The following DNAH11 variants were observed in gnomAD, a reference collection of about 807,000 sequenced individuals.
DNAH11 encodes the protein axonemal beta dynein heavy chain 11.
In DNAH11, 442 loss-of-function variants were observed where a neutral mutation model predicts 526.0. The observed-to-expected ratio is 0.84, with a 90% CI of 0.78 to 0.91. The LOEUF is 0.91. Among genes scored for constraint, DNAH11 ranks in the 40% least tolerant of loss-of-function variants. DNAH11 has a pLI of 0.00. For missense variants in DNAH11, 6,989 were observed against 5,448.7 expected, an observed-to-expected ratio of 1.28 and a Z score of -8.90; for synonymous variants, 2,461 against 1,935.9, an observed-to-expected ratio of 1.27 and a Z score of -7.12.
At position 21,601,050 on chromosome 7, in the gene DNAH11, T is replaced by C. The variant is rs1164194278; in HGVS notation, c.3296T>C (p.Phe1099Ser). The change falls in exon 17 of 82, where the codon TTT becomes TCT. Residue 1099 changes from phenylalanine (F) to serine (S), a missense_variant. Phe to Ser is a radical substitution (Grantham distance 155). Coordinates refer to ENST00000409508, the MANE Select transcript of DNAH11 (RefSeq NM_001277115.2). Reference protein sequence around the residue: ...YEALYVQMSKFEDFRVFDSWF... With the variant: ...YEALYVQMSKSEDFRVFDSWF... ...GCTTTGTATGTTCAAATGAGCAAAT[T>C]TGAGGACTTTAGAGTGTTTGATAGT... 2 of 1,612,108 alleles carry C rather than the reference T, an allele frequency of 1.2e-6. No individual in the cohort carries two copies. Among genetic ancestry groups the C allele is most frequent in the Admixed American group, 1.7e-5 (1 of 59,556 alleles).
chr7:21,581,807 G>A (rs551692054), intron 8 of DNAH11, 98 bp from the exon 9 acceptor site: 36 of 722,770 alleles, frequency 5.0e-5, no homozygotes, highest in East Asian at 2.8e-4. Context: ...GACAGAGAGC[G>A]AGCGAGAGAG....
Position 21,636,016 on chromosome 7 carries a change from T to A in DNAH11, c.4646T>A (p.Ile1549Asn). 6.2e-7 allele frequency: 1 copy of A among 1,613,760 alleles called. No individual in the cohort carries two copies. The highest frequency in any genetic ancestry group is 2.2e-5 in the East Asian group (1 of 44,868). The change falls in exon 26 of 82, where the codon ATT becomes AAT. Residue 1549 changes from isoleucine to asparagine, a missense_variant. Ile to Asn is a moderately radical substitution (Grantham distance 149, BLOSUM62 -3). Transcript: ENST00000409508. ...VQRTWSHLES[I>N]FVCSEDIRIQ... ...CGAACTTGGTCTCACCTGGAAAGCA[T>A]TTTTGTCTGTTCAGAAGATATTCGA...
At chr7:21,563,282 CA>C (rs995887688) in intron 5 of DNAH11, among the ~76,000 whole-genome samples, 1 of 151,536 alleles carries the variant, frequency 6.6e-6, no homozygotes, top group Non-Finnish European at 1.5e-5. Context: ...GATCATGGCT[CA>C]CTGCAGCCTC....
intron 30 of DNAH11, among the ~76,000 whole-genome samples, 160 bp from the exon 31 acceptor site, chr7:21,681,386 C>T (rs1393206163): frequency 1.3e-5 from 2 of 151,792 alleles, no homozygotes; most frequent in Non-Finnish European, 1.5e-5. Context: ...GAGATCATGC[C>T]ACTGCACTCC....
In DNAH11 at chr7:21,698,219, G is replaced by A. The variant is rs770361540; in HGVS notation, c.6180+6G>A. 1.4e-5 allele frequency: 23 copies of A among 1,612,540 alleles called. No individual in the cohort carries two copies. The African/African-American group carries it at 2.7e-4, about 19-fold the overall frequency. ...AGGAGCTTCTCTCCAAGCAGGTGAG[G>A]GATCATTTGTTACGTTTTCTTGTTT... is the stretch of plus-strand genomic sequence containing the variant. On this transcript the variant is annotated splice_donor_region_variant and intron_variant, in intron 36 of 81. Coordinates refer to ENST00000409508, the MANE Select transcript of DNAH11 (RefSeq NM_001277115.2).
chr7:21,655,131 T>C (rs1781961017), intron 28 of DNAH11, among the ~76,000 whole-genome samples: 1 of 150,562 alleles, frequency 6.6e-6, no homozygotes. Context: ...ACTGGTTTTG[T>C]ATTGGAGAAC....
chr7:21,782,218 C>G (rs563913573), intron 57 of DNAH11, among the ~76,000 whole-genome samples: 171 of 152,320 alleles, frequency 1.1e-3, no homozygotes, highest in African/African-American at 3.9e-3. Flanking sequence ...CAGAGAATTT[C>G]TGGTCTACCC....
At chr7:21,598,851 C>T (rs1177571362) in intron 14 of DNAH11, among the ~76,000 whole-genome samples, 2 of 152,114 alleles carry the variant, frequency 1.3e-5, no homozygotes, top group African/African-American at 4.8e-5. Context: ...TGGTTTTCTG[C>T]TCCTGCATTA....
chr7:21,841,015 C>G (rs1420965194), intron 65 of DNAH11, among the ~76,000 whole-genome samples: 1 of 152,090 alleles, frequency 6.6e-6, no homozygotes, highest in South Asian at 2.1e-4. Flanking sequence ...AACCCCATCT[C>G]TACTAAAAAT....
At chr7:21,891,288 C>G (rs752569666) in intron 76 of DNAH11, among the ~76,000 whole-genome samples, 4 of 152,166 alleles carry the variant, frequency 2.6e-5, no homozygotes, top group Non-Finnish European at 4.4e-5. Context: ...ATTTCAGAAA[C>G]TGACTCAGAA....
chr7:21,686,078 T>C (rs1453252435), intron 32 of DNAH11, among the ~76,000 whole-genome samples: 1 of 152,260 alleles, frequency 6.6e-6, no homozygotes, highest in Non-Finnish European at 1.5e-5. Flanking sequence ...TCATTCATTG[T>C]AAGATACACT....
chr7:21,568,671 C>T (rs1783766351), intron 6 of DNAH11, among the ~76,000 whole-genome samples: 4 of 152,104 alleles, frequency 2.6e-5, no homozygotes, highest in Admixed American at 2.0e-4. Flanking sequence ...AGGGGCCAGC[C>T]AGGAAGCACA....
chr7:21,713,468 A>G (rs1373190841), intron 42 of DNAH11, among the ~76,000 whole-genome samples: 1 of 151,848 alleles, frequency 6.6e-6, no homozygotes, highest in Non-Finnish European at 1.5e-5. Context: ...AGCTCTTCTT[A>G]TATCTCTCCA....
chr7:21,832,672 T>C (rs1214415002), intron 65 of DNAH11, among the ~76,000 whole-genome samples: 1 of 152,198 alleles, frequency 6.6e-6, no homozygotes, highest in Non-Finnish European at 1.5e-5. Flanking sequence ...TTGGAAAAAT[T>C]AGCTGCTATT....
At chr7:21,549,557 G>T (rs60021305) in intron 2 of DNAH11, among the ~76,000 whole-genome samples, 29,481 of 152,032 alleles carry the variant, frequency 0.19, 2,931 homozygotes, top group Middle Eastern at 0.27. Flanking sequence ...TTTCCCTGTG[G>T]TGTTTGCACC....
At chr7:21,544,901 C>T (rs1486135772) in intron 1 of DNAH11, 105 bp from the exon 2 acceptor site, 7 of 937,772 alleles carry the variant, frequency 7.5e-6, no homozygotes, top group Non-Finnish European at 1.1e-5. Flanking sequence ...GGCAAGATGC[C>T]AGGTTTTGTT....
rs370395947 is a variant in DNAH11 at position 21,559,161 on chromosome 7, A to G, written c.692+163A>G. Among the ~76,000 whole-genome samples the G allele has an allele frequency of 2.6e-5, 4 of 152,316 alleles. No individual in the cohort carries two copies. In the East Asian group the frequency reaches 7.7e-4, roughly 29 times the overall value. ...CAGCATAGTGAGATCTCATCTCCAC[A>G]AATAAAATAAAATGGAAAGTGAGCA... On this transcript the variant is annotated intron_variant, in intron 3 of 81. Coordinates refer to ENST00000409508, the MANE Select transcript of DNAH11 (RefSeq NM_001277115.2).
chr7:21,619,992 A>G lies in DNAH11; in HGVS notation c.4414A>G (p.Lys1472Glu), dbSNP rs760949464. Residue 1472 changes from lysine (K) to glutamate (E), a missense_variant, in exon 25 of 82, where the codon AAG becomes GAG. Physicochemically the swap from Lys to Glu is moderately conservative, Grantham distance 56. Transcript: ENST00000409508. Reference sequence around the variant, plus strand: ...AATCAGTCAGACCTGGGCAACCATGAAGTTTTCTTACGAAGTTCACTATCG... The same window carrying G: ...AATCAGTCAGACCTGGGCAACCATGGAGTTTTCTTACGAAGTTCACTATCG... The part of the protein sequence containing the change: ...TEISQTWATM[K>E]FSYEVHYRTG... 1 of 1,606,546 alleles carries G rather than the reference A, an allele frequency of 6.2e-7. No individual in the cohort carries two copies. The highest frequency in any genetic ancestry group is 1.7e-5 in the Admixed American group (1 of 58,602).
At chr7:21,680,715 A>T (rs1783103905) in intron 30 of DNAH11, among the ~76,000 whole-genome samples, 1 of 152,198 alleles carries the variant, frequency 6.6e-6, no homozygotes, top group African/African-American at 2.4e-5. Context: ...TTTATCTACG[A>T]GTTCGACGGA....
Sources: allele counts gnomAD v4.1 joint callset (sites outside exome capture counted in the v4.1 genomes callset), GRCh38; gene constraint gnomAD v4.1.1; transcripts MANE v1.5; gene names NCBI Gene and HGNC (gene_info 2026-07-23, HGNC 2026-07-21).